TNRC6B: variants seen among roughly 807,000 people sequenced by gnomAD.
The protein encoded by TNRC6B is trinucleotide repeat containing adaptor 6B.
Under a neutral mutation model 203.6 loss-of-function variants are expected in TNRC6B, and 52 were observed. The ratio of observed to expected loss-of-function variants is 0.26; its 90% CI spans 0.20 to 0.32. The LOEUF (loss-of-function observed/expected upper bound fraction) is 0.32, where lower values mean the gene tolerates loss of function less well. Among genes scored for constraint, TNRC6B ranks in the 10% least tolerant of loss-of-function variants. The probability of loss-of-function intolerance (pLI) is 1.00; values close to 1 mark genes in which losing one functional copy is unlikely to be tolerated. For missense variants in TNRC6B, 1,923 were observed against 2,286.2 expected (o/e 0.84, Z 3.24); for synonymous variants, 838 against 845.7 (o/e 0.99, Z 0.16).
intron 1 of TNRC6B, among the ~76,000 whole-genome samples, chr22:40,073,090 C>G (rs2067967015): frequency 6.6e-6 from 1 of 151,480 alleles, no homozygotes; most frequent in African/African-American, 2.4e-5. Flanking sequence ...GCAGTCACTC[C>G]CAGACTCCTA....
chr22:40,156,002 T>C (rs2068815869), intron 3 of TNRC6B: 1 of 854,610 alleles, frequency 1.2e-6, no homozygotes, highest in Admixed American at 2.8e-5. Flanking sequence ...GCTTCTGTTC[T>C]GTGCACCACA....
intron 12 of TNRC6B, among the ~76,000 whole-genome samples, chr22:40,293,601 G>T (rs1463883112): frequency 6.9e-6 from 1 of 143,896 alleles, no homozygotes; most frequent in East Asian, 2.2e-4. Context: ...TGAGTAGTAG[G>T]AATGCCTGAG....
rs905064615 is a variant in TNRC6B, at chr22:40,154,003, C to T, written c.46-2112C>T. On this transcript the variant is annotated intron_variant, in intron 3 of 23. Transcript: ENST00000301923. Reference sequence around the variant, plus strand: ...TATTTTTTTTTAAGACTTAGGGTCTCGCTGTGTTGCCCAGACTGGAGTGCA... The same window carrying T: ...TATTTTTTTTTAAGACTTAGGGTCTTGCTGTGTTGCCCAGACTGGAGTGCA... Among the ~76,000 whole-genome samples, 65 of 151,032 alleles carry T rather than the reference C, an allele frequency of 4.3e-4. 1 individual carries two copies. Among genetic ancestry groups the T allele is most frequent in the African/African-American group, 1.5e-3 (60 of 41,164 alleles).
chr22:40,174,694 A>G (rs2069038549), upstream of TNRC6B, among the ~76,000 whole-genome samples: 2 of 152,062 alleles, frequency 1.3e-5, no homozygotes, highest in South Asian at 4.1e-4. Context: ...GCGTGGTGGC[A>G]GGCACCTATA....
chr22:40,085,286 T>G (rs1359807216), intron 1 of TNRC6B, among the ~76,000 whole-genome samples: 1 of 152,198 alleles, frequency 6.6e-6, no homozygotes, highest in Non-Finnish European at 1.5e-5. Context: ...AAAAAAAACT[T>G]AAGCCTTATA....
At chr22:40,125,894 T>C (rs2068488553) in intron 3 of TNRC6B, 1 of 1,603,594 alleles carries the variant, frequency 6.2e-7, no homozygotes, top group Non-Finnish European at 8.5e-7. Flanking sequence ...ACAGTTTGGG[T>C]AGAAATTGAA....
At chr22:40,212,510 GGGTATGGACACA>G (rs537784473) in intron 1 of TNRC6B, among the ~76,000 whole-genome samples, 1 of 152,136 alleles carries the variant, frequency 6.6e-6, no homozygotes. Context: ...TGTGGCCTTT[GGGTATGGACACA>G]GTTTAAGGTT....
chr22:40,206,759 A>G (rs996376995), intron 1 of TNRC6B, among the ~76,000 whole-genome samples: 1 of 152,166 alleles, frequency 6.6e-6, no homozygotes, highest in Non-Finnish European at 1.5e-5. Context: ...CCACGCGTAC[A>G]TGGAATCTTG....
At chr22:40,220,043 G>C (rs986816313) in intron 1 of TNRC6B, among the ~76,000 whole-genome samples, 10 of 152,208 alleles carry the variant, frequency 6.6e-5, no homozygotes, top group African/African-American at 2.4e-4. Flanking sequence ...TGTAAACTTA[G>C]ATATTTTATT....
intron 1 of TNRC6B, among the ~76,000 whole-genome samples, chr22:40,074,248 A>AAAAAG (rs1555975721): frequency 2.5e-4 from 38 of 151,344 alleles, no homozygotes; most frequent in Admixed American, 2.0e-3. Context: ...AAAAAAAAAA[A>AAAAAG]AAAAGAAAAG....
At chr22:40,190,852 A>G (rs181799763) in intron 1 of TNRC6B, among the ~76,000 whole-genome samples, 3 of 152,356 alleles carry the variant, frequency 2.0e-5, no homozygotes, top group Admixed American at 2.0e-4. Context: ...GGAGCTTGGT[A>G]TAATCTAGGT....
At chr22:40,257,096 AGAATATC>A (rs2146486628) in intron 3 of TNRC6B, among the ~76,000 whole-genome samples, 1 of 152,340 alleles carries the variant, frequency 6.6e-6, no homozygotes, top group Non-Finnish European at 1.5e-5. Flanking sequence ...TGTTCAGCCT[AGAATATC>A]TTTTCTAGGC....
chr22:40,160,427 G>T (rs911902275), intron 4 of TNRC6B, among the ~76,000 whole-genome samples: 7 of 144,374 alleles, frequency 4.8e-5, no homozygotes, highest in African/African-American at 1.6e-4. Context: ...AGTGAGCCGA[G>T]ATTGTGCCAT....
chr22:40,163,515 C>A (rs1048345590), intron 4 of TNRC6B, among the ~76,000 whole-genome samples: 2 of 136,348 alleles, frequency 1.5e-5, no homozygotes, highest in Non-Finnish European at 3.0e-5. Context: ...GTAATCCCAG[C>A]ACTTTGGGAG....
At position 40,266,509 on chromosome 22, in the gene TNRC6B, A is replaced by G; in HGVS notation, c.2279A>G (p.Asn760Ser). 6.2e-7 allele frequency: 1 copy of G among 1,613,878 alleles called. No individual in the cohort carries two copies. Among genetic ancestry groups the G allele is most frequent in the East Asian group, 2.2e-5 (1 of 44,886 alleles). The change falls in exon 5 of 23, where the codon AAT becomes AGT. Residue 760 changes from asparagine to serine, a missense_variant. By Grantham distance (46) the Asn-to-Ser change is conservative. Around this residue, in one of 8 missense-constraint regions of TNRC6B, gnomAD observed 599 missense variants for 656.5 expected, o/e 0.91. Coordinates refer to ENST00000454349, the MANE Select transcript of TNRC6B (RefSeq NM_001162501.2). The stretch of plus-strand genomic sequence containing the variant: ...GAAGTCGATCAGACAAAAAACAGCA[A>G]TTGGGAAAGTTCTGCAAGTAAACCT... ...GEEVDQTKNS[N>S]WESSASKPVS...
chr22:40,101,489 G>A (rs1417471907), intron 1 of TNRC6B, among the ~76,000 whole-genome samples: 1 of 152,098 alleles, frequency 6.6e-6, no homozygotes, highest in Non-Finnish European at 1.5e-5. Context: ...GAGAACCATT[G>A]CTCTAGACTG....
At chr22:40,246,345 A>G in intron 2 of TNRC6B, 1 of 253,338 alleles carries the variant, frequency 3.9e-6, no homozygotes, top group Non-Finnish European at 7.8e-6. Context: ...GCACGCCACC[A>G]CGCCTGGCTA....
At chr22:40,121,784 C>T (rs2068448806) in intron 2 of TNRC6B, among the ~76,000 whole-genome samples, 1 of 152,246 alleles carries the variant, frequency 6.6e-6, no homozygotes, top group Non-Finnish European at 1.5e-5. Flanking sequence ...CTAGTGTACG[C>T]AGCCTTGTCT....
intron 1 of TNRC6B, among the ~76,000 whole-genome samples, chr22:40,062,900 A>C (rs1329717745): frequency 6.6e-6 from 1 of 151,790 alleles, no homozygotes; most frequent in Admixed American, 6.6e-5. Flanking sequence ...CCTAATCTGC[A>C]GGTTGATGCA....
Sources: allele counts gnomAD v4.1 joint callset (sites outside exome capture counted in the v4.1 genomes callset), GRCh38; gene constraint gnomAD v4.1.1; regional missense constraint gnomAD v4.1.1; transcripts MANE v1.5; gene names NCBI Gene and HGNC (gene_info 2026-07-23, HGNC 2026-07-21).